The following SZT2 variants were observed in gnomAD, a reference collection of about 807,000 sequenced individuals.
SZT2 encodes KICSTOR complex protein SZT2.
A neutral mutation model predicts 404.2 loss-of-function variants in SZT2; 216 were observed. The ratio of observed to expected loss-of-function variants is 0.53; its 90% CI spans 0.48 to 0.60. SZT2 has a LOEUF of 0.60. Ranked by LOEUF, SZT2 falls within the 20% of genes least tolerant of loss-of-function variation. The pLI is 0.00. For missense variants in SZT2, 3,857 were observed against 4,459.2 expected, an observed-to-expected ratio of 0.86 and a Z score of 3.85; for synonymous variants, 1,693 against 1,749.9, an observed-to-expected ratio of 0.97 and a Z score of 0.81.
intron 15 of SZT2, among the ~76,000 whole-genome samples, chr1:43,423,877 T>G (rs548368636): frequency 6.6e-6 from 1 of 150,752 alleles, no homozygotes; most frequent in African/African-American, 2.4e-5. Flanking sequence ...AGGGTGTGGC[T>G]TAGCGGGGTA....
At chr1:43,415,050 T>TC in intron 4 of SZT2, 32 bp from the exon 5 acceptor site, 5 of 1,593,708 alleles carry the variant, frequency 3.1e-6, no homozygotes, top group Non-Finnish European at 4.2e-6. Flanking sequence ...ACCCTGACCG[T>TC]CCTGTCTCAG....
chr1:43,426,927 T>C lies in SZT2; in HGVS notation c.3309+118T>C, dbSNP rs1357168885. On this transcript the variant is annotated intron_variant, in intron 23 of 71. Transcript: ENST00000634258. The surrounding 1 kb of genome is among the most constrained non-coding windows in gnomAD (Gnocchi z 4.9). ...TAAATGGCATCTGCCAATGACACAA[T>C]GCCGTCATTTTCCATTGTCCTGGAT... 6.4e-7 allele frequency: 1 copy of C among 1,557,864 alleles called. No individual in the cohort carries two copies.
chr1:43,441,160 C>G lies in SZT2; in HGVS notation c.7345-54C>G. On this transcript the variant is annotated intron_variant, in intron 52 of 71. Transcript: ENST00000634258. The surrounding 1 kb of genome is among the most constrained non-coding windows in gnomAD (Gnocchi z 4.8). ...CACTGCTGTTCCATAGTGCCCCCAT[C>G]CCACACCTTTCCTCTTCCCAGTAGC... 1.9e-6 allele frequency: 3 copies of G among 1,587,674 alleles called. No individual in the cohort carries two copies. Among genetic ancestry groups the G allele is most frequent in the Non-Finnish European group, 1.7e-6 (2 of 1,164,368 alleles).
chr1:43,451,370 G>A lies in SZT2; in HGVS notation c.*890G>A, dbSNP rs976162089. 1.2e-5 allele frequency: 20 copies of A among 1,611,900 alleles called. No individual in the cohort carries two copies. The highest frequency in any genetic ancestry group is 4.4e-5 in the South Asian group (4 of 91,084). On this transcript the variant is annotated 3_prime_UTR_variant, in exon 72 of 72. Transcript: ENST00000634258. ...CACAAGGAGAAAACAGCCCCTGTCC[G>A]GGTCCCTCCAGAGCTCCCTTCCCCA...
rs1470926468 is a variant in SZT2 at position 43,425,579 on chromosome 1, G to T, written c.2751G>T (p.Val917=). The T allele has an allele frequency of 1.2e-6, 2 of 1,614,204 alleles. No individual in the cohort carries two copies. Among genetic ancestry groups the T allele is most frequent in the East Asian group, 2.2e-5 (1 of 44,876 alleles). The change falls in exon 19 of 72, where the codon GTG becomes GTT. Residue 917 remains valine (V), a synonymous_variant. Coordinates refer to ENST00000634258, the MANE Select transcript of SZT2 (RefSeq NM_001365999.1). The surrounding 1 kb of genome is among the most constrained non-coding windows in gnomAD (Gnocchi z 4.3). ...EVWVEPQYGR[V]GPGPGIWKHL... is the part of the protein sequence containing the mutation. ...GGGTGGAGCCACAGTATGGGCGAGT[G>T]GGACCTGGCCCTGGAATCTGGAAGC... is the stretch of plus-strand genomic sequence containing the variant.
chr1:43,432,231 AC>A (rs751280268), intron 36 of SZT2, 40 bp from the exon 37 acceptor site: 2 of 1,515,800 alleles, frequency 1.3e-6, no homozygotes, highest in Admixed American at 2.2e-5. Flanking sequence ...TGTAGGGAGG[AC>A]TGCCCTGCCT....
intron 1 of SZT2, among the ~76,000 whole-genome samples, chr1:43,399,424 C>T (rs937579553): frequency 6.0e-5 from 9 of 150,418 alleles, no homozygotes; most frequent in South Asian, 2.1e-4. Context: ...TGTTAGTCTG[C>T]GGTGGGAGGG....
intron 14 of SZT2, 22 bp downstream of exon 14, chr1:43,422,905 T>C: frequency 6.4e-7 from 1 of 1,560,444 alleles, no homozygotes; most frequent in East Asian, 2.3e-5. Context: ...CCTGACTGAC[T>C]CTGACCAAGG....
rs760185084 is a variant in SZT2, at chr1:43,439,783, G to A, written c.7042+14G>A. 59 of 1,575,384 alleles carry A rather than the reference G, an allele frequency of 3.7e-5. No homozygotes were observed. Among genetic ancestry groups the A allele is most frequent in the Non-Finnish European group, 4.5e-5 (52 of 1,159,038 alleles). Reference sequence around the variant, plus strand: ...ACAGTTCTTCAGGTGGGACAGCTTGGTCAGAGGATGAGGTGTTCAGTTATT... The same window carrying A: ...ACAGTTCTTCAGGTGGGACAGCTTGATCAGAGGATGAGGTGTTCAGTTATT... On this transcript the variant is annotated intron_variant, in intron 50 of 71. Coordinates refer to ENST00000634258, the MANE Select transcript of SZT2 (RefSeq NM_001365999.1). The surrounding 1 kb of genome is among the most constrained non-coding windows in gnomAD (Gnocchi z 4.2).
chr1:43,398,446 C>G (rs985767692), intron 1 of SZT2, among the ~76,000 whole-genome samples: 3 of 152,082 alleles, frequency 2.0e-5, no homozygotes, highest in African/African-American at 4.8e-5. Context: ...CCAAACCATC[C>G]CTTAACAAAA....
At position 43,441,356 on chromosome 1, in the gene SZT2, C is replaced by CA; in HGVS notation, c.7488dup (p.Asp2497ArgfsTer18). 6.2e-7 allele frequency: 1 copy of CA among 1,614,142 alleles called. No individual in the cohort carries two copies. The highest frequency in any genetic ancestry group is 8.5e-7 in the Non-Finnish European group (1 of 1,180,016). On this transcript the variant is annotated frameshift_variant, in exon 53 of 72. Transcript: ENST00000634258. LOFTEE classifies it high-confidence loss of function. This position sits in a 1 kb window ranked among gnomAD's most constrained non-coding sequence, Gnocchi z 4.8. ...GGTGGAGCTGAGCGGGCGCCAGGCT[C>CA]AGATTCTGGAGCCCAGAGACAAAAG...
At chr1:43,432,957 G>T in intron 39 of SZT2, 32 bp from the exon 40 acceptor site, 1 of 1,612,364 alleles carries the variant, frequency 6.2e-7, no homozygotes, top group Non-Finnish European at 8.5e-7. Flanking sequence ...CCCAGCTTCG[G>T]ATGGGATTGA....
intron 52 of SZT2, 88 bp downstream of exon 52, chr1:43,440,674 T>C (rs369400160): frequency 6.2e-6 from 9 of 1,448,140 alleles, no homozygotes; most frequent in South Asian, 3.1e-5. Context: ...CAGTCCCCCA[T>C]AGGCCTTGCC....
Position 43,439,568 on chromosome 1 carries a change from G to A in SZT2, c.6878-37G>A, listed in dbSNP as rs1369718523. The A allele has an allele frequency of 2.5e-6, 4 of 1,612,420 alleles. No individual in the cohort carries two copies. Among genetic ancestry groups the A allele is most frequent in the Non-Finnish European group, 3.4e-6 (4 of 1,179,180 alleles). On this transcript the variant is annotated intron_variant, in intron 49 of 71. Coordinates refer to ENST00000634258, the MANE Select transcript of SZT2 (RefSeq NM_001365999.1). The surrounding 1 kb of genome is among the most constrained non-coding windows in gnomAD (Gnocchi z 4.2). ...GGGTCGTGGGAGGGGTGGTCTGCAA[G>A]TCCCAGAGCTGAGCCTTCCTATGGA...
chr1:43,433,155 C>T lies in SZT2; in HGVS notation c.5769C>T (p.Val1923=), dbSNP rs1482959246. 1 of 1,613,954 alleles carries T rather than the reference C, an allele frequency of 6.2e-7. No individual in the cohort carries two copies. The highest frequency in any genetic ancestry group is 1.3e-5 in the African/African-American group (1 of 74,922). Residue 1923 remains valine (V), a synonymous_variant, in exon 40 of 72, where the codon GTC becomes GTT. Coordinates refer to ENST00000634258, the MANE Select transcript of SZT2 (RefSeq NM_001365999.1). ...CLPDFWLIVR[V]LQDRVEVYAH... is the part of the protein sequence containing the mutation. ...CTGACTTCTGGCTCATTGTCCGGGT[C>T]CTGCAGGACCGTGTGGAAGTGTATG...
Position 43,448,402 on chromosome 1 carries a change from G to T in SZT2, c.9887G>T (p.Gly3296Val), listed in dbSNP as rs368272173. The change falls in exon 69 of 72, where the codon GGG becomes GTG. Residue 3296 changes from glycine (G) to valine (V), a missense_variant. Physicochemically the swap from Gly to Val is moderately radical, Grantham distance 109. This residue lies in a region of SZT2 where 717 missense variants were observed against 868.2 expected (regional missense o/e 0.83). Coordinates refer to ENST00000634258, the MANE Select transcript of SZT2 (RefSeq NM_001365999.1). The surrounding 1 kb of genome is among the most constrained non-coding windows in gnomAD (Gnocchi z 4.2). ...CCGGGGCCTGATCGACTGCGGCTAG[G>T]GGGGCGCCTGGCCCTGGCAGAGCTG... ...EPPGPDRLRL[G>V]GRLALAELEE... The T allele has an allele frequency of 2.2e-4, 342 of 1,579,916 alleles. No individual in the cohort carries two copies. The highest frequency in any genetic ancestry group is 5.0e-4 in the Middle Eastern group (3 of 6,042).
intron 4 of SZT2, among the ~76,000 whole-genome samples, chr1:43,407,516 CAA>C (rs34259315): frequency 7.3e-6 from 1 of 137,532 alleles, no homozygotes; most frequent in African/African-American, 2.7e-5. Context: ...ACTCTGTCTC[CAA>C]AAAAAAAAAC....
In SZT2 at chr1:43,439,755, T is replaced by C. The variant is rs770070578; in HGVS notation, c.7028T>C (p.Val2343Ala). Residue 2343 changes from valine to alanine, a missense_variant, in exon 50 of 72, where the codon GTG becomes GCG. Around this residue, in one of 7 missense-constraint regions of SZT2, gnomAD observed 573 missense variants for 592.4 expected, o/e 0.97. Coordinates refer to ENST00000634258, the MANE Select transcript of SZT2 (RefSeq NM_001365999.1). This position sits in a 1 kb window ranked among gnomAD's most constrained non-coding sequence, Gnocchi z 4.2. ...LTQVIRCPVVVDSSSAQNGAP... is the reference protein window; with the variant it reads ...LTQVIRCPVVADSSSAQNGAP... ...CAGGTCATCCGCTGCCCGGTTGTTG[T>C]GGACAGTTCTTCAGGTGGGACAGCT... The C allele has an allele frequency of 1.3e-6, 2 of 1,593,788 alleles. No individual in the cohort carries two copies. Among genetic ancestry groups the C allele is most frequent in the Admixed American group, 1.7e-5 (1 of 57,882 alleles).
chr1:43,443,583 C>A lies in SZT2; in HGVS notation c.8626-14C>A, dbSNP rs779143432. The A allele has an allele frequency of 1.2e-6, 2 of 1,614,038 alleles. No homozygotes were observed. Among genetic ancestry groups the A allele is most frequent in the South Asian group, 2.2e-5 (2 of 91,080 alleles). On this transcript the variant is annotated splice_polypyrimidine_tract_variant and intron_variant, in intron 61 of 71. Coordinates refer to ENST00000634258, the MANE Select transcript of SZT2 (RefSeq NM_001365999.1). ...GACAGTGGGGAGAGTCTTCCTTGATCTTTACTCTCATAGCGGCGCCATCGC... is the reference window on the plus strand; with the variant it reads ...GACAGTGGGGAGAGTCTTCCTTGATATTTACTCTCATAGCGGCGCCATCGC...
Sources: allele counts gnomAD v4.1 joint callset (sites outside exome capture counted in the v4.1 genomes callset), GRCh38; gene constraint gnomAD v4.1.1; regional missense constraint gnomAD v4.1.1; non-coding constraint Gnocchi (gnomAD v3.1); transcripts MANE v1.5; gene names NCBI Gene and HGNC (gene_info 2026-07-23, HGNC 2026-07-21).